Variants in IL3RA observed in about 807,000 individuals in gnomAD.
IL3RA encodes the protein interleukin-3 receptor subunit alpha.
In IL3RA, 73 loss-of-function variants were observed where a neutral mutation model predicts 52.3. That is an observed-to-expected ratio of 1.40 (90% CI 1.16 to 1.70). The LOEUF (loss-of-function observed/expected upper bound fraction) is 1.70. Ranked by LOEUF, IL3RA falls within the 40% of genes most tolerant of loss-of-function variation. The probability of loss-of-function intolerance (pLI) is 0.00; values close to 1 mark genes in which losing one functional copy is unlikely to be tolerated. For synonymous variants in IL3RA, 260 were observed against 194.0 expected (o/e 1.34, Z -2.83); for missense variants, 664 against 504.4 (o/e 1.32, Z -3.03).
intron 6 of IL3RA, among the ~76,000 whole-genome samples, chrX:1,353,326 A>AT (rs2086257288): frequency 7.4e-6 from 1 of 134,754 alleles, no homozygotes; most frequent in Admixed American, 7.2e-5. Flanking sequence ...GGGTCATGGG[A>AT]CCCCCCCATC....
In IL3RA at chrX:1,378,674, AGG is replaced by A; in HGVS notation, c.892_893del (p.Gly298ArgfsTer49). On this transcript the variant is annotated frameshift_variant, in exon 10 of 12. Coordinates refer to ENST00000331035, the MANE Select transcript of IL3RA (RefSeq NM_002183.4). LOFTEE classifies it high-confidence loss of function. Reference sequence around the variant, plus strand: ...TTACCCCTAGAGTGCGACCAGGAGGAGGGCGCAAACACACGTGCCTGGCGGAC... The same window carrying A: ...TTACCCCTAGAGTGCGACCAGGAGGAGCGCAAACACACGTGCCTGGCGGAC... 1 of 1,612,370 alleles carries A rather than the reference AGG, an allele frequency of 6.2e-7. No homozygotes were observed. The highest frequency in any genetic ancestry group is 8.5e-7 in the Non-Finnish European group (1 of 1,179,700).
At chrX:1,359,810 C>G (rs1383217236) in intron 8 of IL3RA, among the ~76,000 whole-genome samples, 1 of 145,360 alleles carries the variant, frequency 6.9e-6, no homozygotes, top group Admixed American at 6.9e-5. Flanking sequence ...CCCTCTCTTT[C>G]TCTCTCTCTC....
At chrX:1,348,129 A>G (rs1241481125) in intron 3 of IL3RA, among the ~76,000 whole-genome samples, 1 of 150,688 alleles carries the variant, frequency 6.6e-6, no homozygotes, top group Non-Finnish European at 1.5e-5. Context: ...GGCGGATCAC[A>G]TGAGGTCAGG....
At chrX:1,339,661 G>A (rs765974748) in intron 1 of IL3RA, among the ~76,000 whole-genome samples, 17 of 148,856 alleles carry the variant, frequency 1.1e-4, no homozygotes, top group African/African-American at 1.8e-4. Context: ...GTGTGGTGGC[G>A]GACACCGGTA....
Position 1,352,190 on chromosome X carries a change from C to A in IL3RA, c.389C>A (p.Ala130Asp). ...LSCSWAVGPGAPADVQYDLYL... is the reference protein window; with the variant it reads ...LSCSWAVGPGDPADVQYDLYL... The stretch of plus-strand genomic sequence containing the variant: ...TGCAGCTGGGCGGTAGGCCCGGGGG[C>A]CCCCGCGGACGTCCAGTACGACCTG... The change falls in exon 5 of 12, where the codon GCC (alanine) becomes GAC (aspartate). Residue 130 changes from alanine (A) to aspartate (D), a missense_variant. Transcript: ENST00000331035. 4.3e-6 allele frequency: 7 copies of A among 1,613,688 alleles called. No individual in the cohort carries two copies. Among genetic ancestry groups the A allele is most frequent in the Non-Finnish European group, 5.9e-6 (7 of 1,179,812 alleles).
At chrX:1,382,314 A>G in intron 11 of IL3RA, 77 bp from the exon 12 acceptor site, 5 of 1,192,400 alleles carry the variant, frequency 4.2e-6, no homozygotes, top group South Asian at 3.6e-5. Flanking sequence ...GAGATGGGAC[A>G]GGCCCCCGCA....
intron 8 of IL3RA, among the ~76,000 whole-genome samples, chrX:1,361,134 C>G (rs758525084): frequency 3.2e-5 from 4 of 124,816 alleles, no homozygotes; most frequent in African/African-American, 1.2e-4. Flanking sequence ...TCTCCCTTCC[C>G]CTCTCTGTCT....
chrX:1,381,260 T>C (rs2089165087), intron 11 of IL3RA, among the ~76,000 whole-genome samples, 156 bp downstream of exon 11: 1 of 152,026 alleles, frequency 6.6e-6, no homozygotes, highest in Admixed American at 6.6e-5. Context: ...TAGCCGGGTG[T>C]GGTGGCGGGC....
intron 8 of IL3RA, among the ~76,000 whole-genome samples, chrX:1,363,445 C>G (rs1182989859): frequency 6.6e-6 from 1 of 151,678 alleles, no homozygotes. Flanking sequence ...GGACCTCAGG[C>G]GCCCGCCACC....
chrX:1,359,550 C>T (rs779727566), intron 8 of IL3RA, among the ~76,000 whole-genome samples: 1 of 149,040 alleles, frequency 6.7e-6, no homozygotes, highest in Admixed American at 6.7e-5. Context: ...CTCTATCTTT[C>T]TGGCTCTCTC....
At chrX:1,342,911 C>A in intron 2 of IL3RA, among the ~76,000 whole-genome samples, 1 of 151,054 alleles carries the variant, frequency 6.6e-6, no homozygotes, top group South Asian at 2.1e-4. Context: ...CCCGTCTCTA[C>A]TAAAAATACA....
intron 4 of IL3RA, among the ~76,000 whole-genome samples, chrX:1,350,149 G>A (rs2086018803): frequency 1.3e-5 from 2 of 152,218 alleles, no homozygotes; most frequent in South Asian, 4.1e-4. Context: ...AGGTGGGTTT[G>A]GCTGTAAAAG....
chrX:1,365,118 T>C lies in IL3RA; in HGVS notation c.760-20T>C. 1 of 1,582,106 alleles carries C rather than the reference T, an allele frequency of 6.3e-7. No individual in the cohort carries two copies. The highest frequency in any genetic ancestry group is 8.7e-7 in the Non-Finnish European group (1 of 1,153,736). Reference sequence around the variant, plus strand: ...GCCACCATACCTGGCCCCTCTTCTTTATTTTCTTTCAAACCACAGGTCAGA... The same window carrying C: ...GCCACCATACCTGGCCCCTCTTCTTCATTTTCTTTCAAACCACAGGTCAGA... On this transcript the variant is annotated intron_variant, in intron 8 of 11. Coordinates refer to ENST00000331035, the MANE Select transcript of IL3RA (RefSeq NM_002183.4).
chrX:1,377,161 C>T (rs1343339443), intron 9 of IL3RA, among the ~76,000 whole-genome samples: 1 of 152,182 alleles, frequency 6.6e-6, no homozygotes, highest in Non-Finnish European at 1.5e-5. Context: ...ACCAGCCCTG[C>T]CCATGCCCAT....
chrX:1,377,899 A>C (rs1181581058), intron 9 of IL3RA, among the ~76,000 whole-genome samples: 1 of 151,084 alleles, frequency 6.6e-6, no homozygotes, highest in Non-Finnish European at 1.5e-5. Flanking sequence ...AAAAAGAAAA[A>C]AAATAGGCCG....
At chrX:1,379,405 C>T (rs1338371897) in intron 10 of IL3RA, among the ~76,000 whole-genome samples, 5 of 152,222 alleles carry the variant, frequency 3.3e-5, no homozygotes, top group Non-Finnish European at 7.3e-5. Context: ...ATCCCCCAGC[C>T]TCGGCCTCCC....
At chrX:1,357,095 G>A (rs2086793736) in intron 7 of IL3RA, among the ~76,000 whole-genome samples, 1 of 151,758 alleles carries the variant, frequency 6.6e-6, no homozygotes, top group South Asian at 2.1e-4. Flanking sequence ...TGGGATTATG[G>A]GCACCCATCA....
chrX:1,377,080 C>A (rs1299202055), intron 9 of IL3RA, among the ~76,000 whole-genome samples: 11 of 139,540 alleles, frequency 7.9e-5, no homozygotes, highest in Non-Finnish European at 1.4e-4. Context: ...CACAGACACA[C>A]ACCAAGGGAC....
chrX:1,365,073 T>G lies in IL3RA; in HGVS notation c.760-65T>G, dbSNP rs774540555. 17 of 1,207,006 alleles carry G rather than the reference T, an allele frequency of 1.4e-5. No individual in the cohort carries two copies. In the East Asian group the frequency reaches 2.9e-4, roughly 21 times the overall value. 74.8% of individuals were successfully genotyped at this position (1,207,006 alleles called of 1,614,324 possible). On this transcript the variant is annotated intron_variant, in intron 8 of 11. Transcript: ENST00000331035. ...ATCCACCTGCCTTGGCCTCCCTAAGTGCCCAGGTGAGAGTCATGAGCCACC... is the reference window on the plus strand; with the variant it reads ...ATCCACCTGCCTTGGCCTCCCTAAGGGCCCAGGTGAGAGTCATGAGCCACC...
Sources: allele counts gnomAD v4.1 joint callset (sites outside exome capture counted in the v4.1 genomes callset), GRCh38; gene constraint gnomAD v4.1.1; transcripts MANE v1.5; gene names NCBI Gene and HGNC (gene_info 2026-07-23, HGNC 2026-07-21).